The following KLF12 variants were observed in gnomAD, a reference collection of about 807,000 sequenced individuals.
KLF12 encodes the protein KLF transcription factor 12.
KLF12 carries 9 observed loss-of-function variants against 37.8 expected under a neutral mutation model. That is an observed-to-expected ratio of 0.24 (90% CI 0.14 to 0.42). The LOEUF (loss-of-function observed/expected upper bound fraction) is 0.42. Among genes scored for constraint, KLF12 ranks in the 10% least tolerant of loss-of-function variants. The pLI is 1.00. For synonymous variants in KLF12, 208 were observed against 202.1 expected (o/e 1.03, Z -0.25); for missense variants, 411 against 516.0 (o/e 0.80, Z 1.97).
the KLF12 span, among the ~76,000 whole-genome samples, chr13:74,302,930 C>G: frequency 6.6e-6 from 1 of 152,086 alleles, no homozygotes; most frequent in East Asian, 1.9e-4. Context: ...AATTTTCTTG[C>G]CTGAATTAAC....
chr13:73,835,542 G>C (rs1317776124), intron 4 of KLF12, among the ~76,000 whole-genome samples: 1 of 152,048 alleles, frequency 6.6e-6, no homozygotes, highest in Non-Finnish European at 1.5e-5. Flanking sequence ...AGAGAAAAAA[G>C]GTGTTAGAAC....
At chr13:74,258,972 C>G in the KLF12 span, 2 of 152,250 alleles carry the variant, frequency 1.3e-5, no homozygotes, top group South Asian at 2.1e-4. Context: ...GTAGAACATG[C>G]CCCAGAGTTG....
rs531391313 is a variant in KLF12, at chr13:73,699,515, T to C, written c.1028-3844A>G. On this transcript the variant is annotated intron_variant, in intron 7 of 7. Coordinates refer to ENST00000377669, the MANE Select transcript of KLF12 (RefSeq NM_007249.5). ...ATTAAAAAAGTACAATAACCTCACC[T>C]ATGAGGGTGAAGGTCACATGGTATG... Among the ~76,000 whole-genome samples the C allele has an allele frequency of 2.0e-3, 305 of 152,300 alleles. 2 individuals are homozygous for C. The highest frequency in any genetic ancestry group is 6.2e-3 in the African/African-American group (258 of 41,558).
chr13:74,221,319 T>C, the KLF12 span, among the ~76,000 whole-genome samples: 1 of 152,216 alleles, frequency 6.6e-6, no homozygotes, highest in Non-Finnish European at 1.5e-5. Flanking sequence ...ACTTAGTCTT[T>C]TTTAAAAATA....
chr13:73,705,853 A>G (rs1246901882), intron 7 of KLF12, among the ~76,000 whole-genome samples: 1 of 152,156 alleles, frequency 6.6e-6, no homozygotes, highest in Non-Finnish European at 1.5e-5. Flanking sequence ...TCACAAAGAC[A>G]CGATAAAGAT....
chr13:73,719,323 G>C (rs572385683), intron 6 of KLF12, among the ~76,000 whole-genome samples: 58 of 152,168 alleles, frequency 3.8e-4, no homozygotes, highest in African/African-American at 1.3e-3. Flanking sequence ...ACCGTGGACT[G>C]GGGGTTTGTC....
chr13:74,227,437 G>A, the KLF12 span, among the ~76,000 whole-genome samples: 42 of 152,258 alleles, frequency 2.8e-4, no homozygotes, highest in African/African-American at 8.7e-4. Flanking sequence ...GAGTGGTTGT[G>A]CAATAATAGT....
At chr13:74,043,422 A>C (rs1893461252) in intron 1 of KLF12, among the ~76,000 whole-genome samples, 1 of 152,192 alleles carries the variant, frequency 6.6e-6, no homozygotes, top group Non-Finnish European at 1.5e-5. Context: ...ACTTCCGTAC[A>C]AACATGTAAC....
chr13:73,884,649 C>T (rs1164087988), intron 3 of KLF12, among the ~76,000 whole-genome samples: 1 of 152,236 alleles, frequency 6.6e-6, no homozygotes, highest in East Asian at 1.9e-4. Flanking sequence ...TCTTTCTGTG[C>T]TGTCCCATAT....
At chr13:73,948,593 T>C (rs1344455045) in intron 2 of KLF12, among the ~76,000 whole-genome samples, 1 of 152,172 alleles carries the variant, frequency 6.6e-6, no homozygotes, top group Non-Finnish European at 1.5e-5. Context: ...CCTCTTCCTA[T>C]AGAAAAAGTA....
chr13:74,164,178 A>G, the KLF12 span, among the ~76,000 whole-genome samples: 1 of 152,158 alleles, frequency 6.6e-6, no homozygotes, highest in Non-Finnish European at 1.5e-5. Flanking sequence ...TAGTCAAATG[A>G]TCACAGACAG....
chr13:73,914,355 A>T (rs1220784509), intron 3 of KLF12, among the ~76,000 whole-genome samples: 1 of 152,186 alleles, frequency 6.6e-6, no homozygotes. Flanking sequence ...GTTCATCAGC[A>T]GGGGGTGGTT....
At chr13:74,260,924 C>G in the KLF12 span, among the ~76,000 whole-genome samples, 3 of 151,996 alleles carry the variant, frequency 2.0e-5, no homozygotes, top group African/African-American at 7.2e-5. Flanking sequence ...AAAAAGCAAA[C>G]TAAATATTTT....
chr13:73,827,787 T>A (rs551219586), intron 4 of KLF12, among the ~76,000 whole-genome samples: 1 of 152,176 alleles, frequency 6.6e-6, no homozygotes, highest in Admixed American at 6.5e-5. Flanking sequence ...GGTCTCAAAT[T>A]CCTGACCTAA....
chr13:74,183,496 G>A, the KLF12 span, among the ~76,000 whole-genome samples: 2 of 151,932 alleles, frequency 1.3e-5, no homozygotes, highest in African/African-American at 4.8e-5. Context: ...ACACTTTAAT[G>A]TTCTTGCCAA....
At chr13:74,050,571 TG>T (rs1262744209) in intron 1 of KLF12, among the ~76,000 whole-genome samples, 4 of 152,090 alleles carry the variant, frequency 2.6e-5, no homozygotes, top group Admixed American at 1.3e-4. Context: ...CTGAACGCAT[TG>T]AGAGGAGAAT....
At chr13:74,296,655 C>A in the KLF12 span, among the ~76,000 whole-genome samples, 1 of 152,222 alleles carries the variant, frequency 6.6e-6, no homozygotes. Context: ...TTTAATGATA[C>A]CTTTTTGACT....
Position 73,690,593 on chromosome 13 carries a change from T to C in KLF12, c.*4897A>G, listed in dbSNP as rs754547838. On this transcript the variant is annotated 3_prime_UTR_variant, in exon 8 of 8. Transcript: ENST00000377669. ...ATTTTAAACCATCCTGGCTAAACCA[T>C]GACAAGTGGCCACTCTATTTTGAAC... 6.6e-6 allele frequency: 1 copy of C among 152,212 alleles called. No individual in the cohort carries two copies. Among genetic ancestry groups the C allele is most frequent in the Non-Finnish European group, 1.5e-5 (1 of 68,034 alleles). 9.4% of individuals were successfully genotyped at this position (152,212 alleles called of 1,614,324 possible). A position where few individuals can be genotyped will look rare whatever the true frequency, so the allele number is the denominator to read the frequency against.
the KLF12 span, among the ~76,000 whole-genome samples, chr13:74,162,812 A>G: frequency 6.6e-6 from 1 of 152,214 alleles, no homozygotes. Flanking sequence ...GAGATATGGA[A>G]TAAAACAATA....
Sources: gnomAD v4.1 joint callset for allele counts (sites outside exome capture counted in the v4.1 genomes callset) on GRCh38, gnomAD v4.1.1 for gene constraint, MANE v1.5 for transcripts, NCBI Gene and HGNC (gene_info 2026-07-23, HGNC 2026-07-21) for gene names.